Variants in ARMC2 observed in about 807,000 individuals in gnomAD.
ARMC2 encodes the protein armadillo repeat-containing protein 2.
ARMC2 carries 67 observed loss-of-function variants against 90.3 expected under a neutral mutation model. The ratio of observed to expected loss-of-function variants is 0.74; its 90% confidence interval spans 0.61 to 0.91. The LOEUF is 0.91. ARMC2 is among the 40% of genes least tolerant of loss of function. The pLI, the probability that ARMC2 is intolerant of heterozygous loss-of-function variation, is 0.00. For missense variants in ARMC2, 920 were observed against 1,030.9 expected (o/e 0.89, Z 1.47); for synonymous variants, 393 against 393.0 (o/e 1.00, Z 0.00).
chr6:108,997,501 T>G, the ARMC2 span, among the ~76,000 whole-genome samples: 14,966 of 152,234 alleles, frequency 0.098, 902 homozygotes, highest in Middle Eastern at 0.19. Flanking sequence ...TTCTTTCTTG[T>G]GCTAATTTCA....
chr6:109,037,191 T>G, the ARMC2 span, among the ~76,000 whole-genome samples: 1 of 152,212 alleles, frequency 6.6e-6, no homozygotes, highest in African/African-American at 2.4e-5. Context: ...TAAGACTCTG[T>G]GATGCAACAA....
chr6:108,993,432 G>A, the ARMC2 span, among the ~76,000 whole-genome samples: 47 of 152,198 alleles, frequency 3.1e-4, 2 homozygotes, highest in East Asian at 8.7e-3. Context: ...TCATGTAAGT[G>A]TATCATTAGA....
At chr6:108,927,786 C>G (rs1440928796) in intron 10 of ARMC2, among the ~76,000 whole-genome samples, 2 of 151,848 alleles carry the variant, frequency 1.3e-5, no homozygotes, top group African/African-American at 2.4e-5. Flanking sequence ...ACAGGGCCAG[C>G]TGAAGATCTT....
At chr6:108,978,930 T>A (rs1779036608), downstream of ARMC2, among the ~76,000 whole-genome samples, 1 of 152,124 alleles carries the variant, frequency 6.6e-6, no homozygotes, top group South Asian at 2.1e-4. Flanking sequence ...AGCATACCAA[T>A]GGGTCTTGAC....
chr6:108,984,576 A>T, the ARMC2 span, among the ~76,000 whole-genome samples: 2 of 152,222 alleles, frequency 1.3e-5, no homozygotes, highest in African/African-American at 4.8e-5. Context: ...CATACAACAT[A>T]CATCAACATA....
intron 15 of ARMC2, among the ~76,000 whole-genome samples, chr6:108,963,561 T>G (rs1778148495): frequency 1.3e-5 from 2 of 152,158 alleles, no homozygotes; most frequent in South Asian, 2.1e-4. Flanking sequence ...CTTTACTCAC[T>G]CTTCCCCAAC....
the ARMC2 span, chr6:108,993,160 C>A: frequency 1.7e-5 from 6 of 354,172 alleles, no homozygotes; most frequent in Non-Finnish European, 2.5e-5. Context: ...TTTCTCTCTC[C>A]TCCCATTCCA....
At chr6:109,026,690 C>T in the ARMC2 span, among the ~76,000 whole-genome samples, 1,207 of 151,916 alleles carry the variant, frequency 7.9e-3, 21 homozygotes, top group African/African-American at 0.028. Flanking sequence ...TTTTTAGTAG[C>T]GACGGGGTTT....
chr6:108,863,131 G>C (rs9480888), intron 3 of ARMC2, among the ~76,000 whole-genome samples: 1 of 152,170 alleles, frequency 6.6e-6, no homozygotes, highest in African/African-American at 2.4e-5. Flanking sequence ...TGATTTGTAG[G>C]GTTTTGTTTG....
chr6:109,003,525 T>G, the ARMC2 span, among the ~76,000 whole-genome samples: 1 of 152,108 alleles, frequency 6.6e-6, no homozygotes, highest in African/African-American at 2.4e-5. Flanking sequence ...GACATCAAGA[T>G]TCAAAGTAGT....
At chr6:108,911,551 A>G (rs1408964988) in intron 9 of ARMC2, among the ~76,000 whole-genome samples, 1 of 152,188 alleles carries the variant, frequency 6.6e-6, no homozygotes, top group African/African-American at 2.4e-5. Flanking sequence ...AAAAGAAAAT[A>G]CAAAGTATTT....
intron 12 of ARMC2, among the ~76,000 whole-genome samples, chr6:108,949,746 T>C (rs141666666): frequency 6.6e-6 from 1 of 152,192 alleles, no homozygotes; most frequent in Non-Finnish European, 1.5e-5. Context: ...TTATGTGAAA[T>C]GGGATTCAAG....
At chr6:109,017,375 GC>G in the ARMC2 span, among the ~76,000 whole-genome samples, 1 of 152,004 alleles carries the variant, frequency 6.6e-6, no homozygotes, top group African/African-American at 2.4e-5. Flanking sequence ...AAGCTCCACT[GC>G]CCGGGTTCAC....
intron 2 of ARMC2, among the ~76,000 whole-genome samples, chr6:108,855,537 G>A (rs1172426356): frequency 1.3e-5 from 2 of 152,140 alleles, no homozygotes; most frequent in East Asian, 3.9e-4. Flanking sequence ...AGGCGTGAGC[G>A]ACCTCGCCCG....
chr6:108,937,109 T>C, intron 12 of ARMC2, 110 bp downstream of exon 12: 1 of 959,268 alleles, frequency 1.0e-6, no homozygotes, highest in Middle Eastern at 2.3e-4. Flanking sequence ...TATAAGAAAC[T>C]TCCATTAAAT....
chr6:109,017,476 G>A, the ARMC2 span, among the ~76,000 whole-genome samples: 3 of 151,994 alleles, frequency 2.0e-5, no homozygotes, highest in East Asian at 3.9e-4. Flanking sequence ...TAGTAGAGAC[G>A]GGGTTTCACC....
the ARMC2 span, among the ~76,000 whole-genome samples, chr6:108,981,621 G>A: frequency 6.6e-6 from 1 of 151,198 alleles, no homozygotes; most frequent in Non-Finnish European, 1.5e-5. Flanking sequence ...TACTATCAAG[G>A]TTCATCCATG....
intron 17 of ARMC2, among the ~76,000 whole-genome samples, chr6:108,971,659 A>G (rs190325599): frequency 6.6e-6 from 1 of 152,218 alleles, no homozygotes; most frequent in African/African-American, 2.4e-5. Context: ...GCAGTGGCTC[A>G]CGCCTGTAAC....
At chr6:109,050,323 G>A in the ARMC2 span, among the ~76,000 whole-genome samples, 2 of 151,476 alleles carry the variant, frequency 1.3e-5, no homozygotes, top group Non-Finnish European at 2.9e-5. Flanking sequence ...AACATTCAGC[G>A]GCTAGAAGCA....
Sources: allele counts gnomAD v4.1 joint callset (sites outside exome capture counted in the v4.1 genomes callset), GRCh38; gene constraint gnomAD v4.1.1; transcripts MANE v1.5; gene names NCBI Gene and HGNC (gene_info 2026-07-23, HGNC 2026-07-21).